The following STPG2 variants were observed in gnomAD, a reference collection of about 807,000 sequenced individuals.
STPG2 encodes the protein sperm-tail PG-rich repeat-containing protein 2.
A neutral mutation model predicts 54.2 loss-of-function variants in STPG2; 56 were observed. That is an observed-to-expected ratio of 1.03 (90% CI 0.83 to 1.29). The LOEUF is 1.29. Ranked by LOEUF, STPG2 falls within the 50% of genes most tolerant of loss-of-function variation. The pLI is 0.00. For missense variants in STPG2, 596 were observed against 544.9 expected (o/e 1.09, Z -0.93); for synonymous variants, 200 against 181.8 (o/e 1.10, Z -0.81).
At chr4:97,817,231 T>TA (rs1206085763) in intron 9 of STPG2, among the ~76,000 whole-genome samples, 1 of 149,794 alleles carries the variant, frequency 6.7e-6, no homozygotes, top group Non-Finnish European at 1.5e-5. Context: ...AAGATTCAAT[T>TA]AGTGTGTATA....
At chr4:97,738,441 A>G (rs539758243) in intron 9 of STPG2, among the ~76,000 whole-genome samples, 2 of 152,336 alleles carry the variant, frequency 1.3e-5, no homozygotes, top group South Asian at 2.1e-4. Context: ...GTCAAGACCA[A>G]TCAGAGTGCT....
chr4:97,930,995 G>A (rs1732524678), intron 8 of STPG2, among the ~76,000 whole-genome samples: 1 of 151,946 alleles, frequency 6.6e-6, no homozygotes, highest in Admixed American at 6.5e-5. Context: ...GACTACTGTT[G>A]GTGTATGAAA....
rs192005704 is a variant in STPG2 at position 97,755,108 on chromosome 4, G to A, written c.1205-42294C>T. Among the ~76,000 whole-genome samples the A allele has an allele frequency of 7.4e-3, 1,126 of 152,240 alleles. 11 individuals are homozygous for A. The highest frequency in any genetic ancestry group is 0.011 in the Non-Finnish European group (726 of 68,012). On this transcript the variant is annotated intron_variant, in intron 9 of 10. Transcript: ENST00000295268. Reference sequence around the variant, plus strand: ...ACAAAATCCTTTTGTGGTAAGTTTGGAGGAGGGAAGAGCATACTTTCTCGC... The same window carrying A: ...ACAAAATCCTTTTGTGGTAAGTTTGAAGGAGGGAAGAGCATACTTTCTCGC...
chr4:97,910,707 C>A (rs1731645824), intron 8 of STPG2, among the ~76,000 whole-genome samples: 1 of 151,994 alleles, frequency 6.6e-6, no homozygotes, highest in Non-Finnish European at 1.5e-5. Context: ...GAAAAAATTT[C>A]AACTAAAATG....
chr4:97,641,703 AT>A (rs1024418845), intron 10 of STPG2, among the ~76,000 whole-genome samples: 2 of 151,468 alleles, frequency 1.3e-5, no homozygotes, highest in African/African-American at 4.8e-5. Flanking sequence ...TGAAAAAAAA[AT>A]TGAACATACA....
chr4:97,892,862 T>A (rs565840503), intron 8 of STPG2, among the ~76,000 whole-genome samples: 1 of 152,166 alleles, frequency 6.6e-6, no homozygotes, highest in East Asian at 1.9e-4. Context: ...GAGTGTACTT[T>A]CACTCTCCAA....
intron 8 of STPG2, among the ~76,000 whole-genome samples, chr4:97,940,124 G>A (rs1732919116): frequency 6.6e-6 from 1 of 151,348 alleles, no homozygotes; most frequent in African/African-American, 2.4e-5. Flanking sequence ...GTTGAATATA[G>A]GCCCCCAGTC....
chr4:97,983,293 T>C (rs1734734070), intron 5 of STPG2, among the ~76,000 whole-genome samples: 1 of 152,244 alleles, frequency 6.6e-6, no homozygotes, highest in Admixed American at 6.5e-5. Flanking sequence ...ATACAGTACA[T>C]AACACATATA....
chr4:97,611,765 C>G (rs1733734997), intron 10 of STPG2, among the ~76,000 whole-genome samples: 2 of 150,962 alleles, frequency 1.3e-5, no homozygotes, highest in Non-Finnish European at 3.0e-5. Context: ...TTATTTATTA[C>G]CAAAAAGAAA....
At chr4:98,016,284 T>C (rs980677675) in intron 5 of STPG2, among the ~76,000 whole-genome samples, 1 of 152,224 alleles carries the variant, frequency 6.6e-6, no homozygotes, top group South Asian at 2.1e-4. Context: ...CTATTTGAGC[T>C]TCATGGATCT....
At chr4:98,085,446 A>T (rs1738476056) in intron 5 of STPG2, among the ~76,000 whole-genome samples, 1 of 152,078 alleles carries the variant, frequency 6.6e-6, no homozygotes, top group Admixed American at 6.5e-5. Context: ...TTGGGTTGAT[A>T]CTATTACATT....
rs1213568499 is a variant in STPG2 at position 98,128,431 on chromosome 4, T to C, written c.384A>G (p.Gln128=). The change falls in exon 3 of 11, where the codon CAA becomes CAG. Residue 128 remains glutamine (Q), a synonymous_variant. Coordinates refer to ENST00000295268, the MANE Select transcript of STPG2 (RefSeq NM_174952.3). The part of the protein sequence containing the change: ...STLGPAYYKP[Q]FDVSNATLKY... ...ATATGAAATACATTATACTTACAAA[T>C]TGAGGTTTGTAGTATGCTGGACCAA... 3.1e-6 allele frequency: 5 copies of C among 1,593,124 alleles called. No homozygotes were observed. Among genetic ancestry groups the C allele is most frequent in the Middle Eastern group, 1.8e-4 (1 of 5,614 alleles).
chr4:97,701,378 G>T (rs1015920153), intron 10 of STPG2, among the ~76,000 whole-genome samples: 2 of 152,168 alleles, frequency 1.3e-5, no homozygotes, highest in African/African-American at 4.8e-5. Context: ...GGACCACGAT[G>T]ACATATTGGA....
chr4:98,048,310 A>G (rs1651630385), intron 5 of STPG2, among the ~76,000 whole-genome samples: 1 of 152,258 alleles, frequency 6.6e-6, no homozygotes, highest in African/African-American at 2.4e-5. Flanking sequence ...ATAATAAGAC[A>G]CTATCCTGGA....
chr4:97,686,960 AGAGT>A lies in STPG2; in HGVS notation c.1320+25735_1320+25738del, dbSNP rs1232736427. ...ATTATTATTTTTTTTTTTGAGAGAG[AGAGT>A]GAGTCTCGCTCTGTCGCCCAGGCTG... On this transcript the variant is annotated intron_variant, in intron 10 of 10. Transcript: ENST00000295268. 7.4e-3 allele frequency among the ~76,000 whole-genome samples: 1,090 copies of A among 148,236 alleles called. 10 individuals are homozygous for A. Among genetic ancestry groups the A allele is most frequent in the African/African-American group, 0.025 (1,001 of 40,100 alleles).
At chr4:97,726,203 G>C (rs1261503160) in intron 9 of STPG2, among the ~76,000 whole-genome samples, 1 of 151,860 alleles carries the variant, frequency 6.6e-6, no homozygotes, top group Non-Finnish European at 1.5e-5. Context: ...GAAAAAAGTA[G>C]ACAATTTGTA....
At chr4:98,086,590 A>C (rs1738521439) in intron 5 of STPG2, among the ~76,000 whole-genome samples, 1 of 149,768 alleles carries the variant, frequency 6.7e-6, no homozygotes, top group East Asian at 2.0e-4. Context: ...CAAATATTTA[A>C]ATAATGATTT....
chr4:97,602,560 T>C (rs990207354), intron 10 of STPG2, among the ~76,000 whole-genome samples: 2 of 151,846 alleles, frequency 1.3e-5, no homozygotes, highest in African/African-American at 4.8e-5. Flanking sequence ...TCTATGTTTT[T>C]GGATAGATAC....
At chr4:97,735,253 G>C (rs1724942159) in intron 9 of STPG2, among the ~76,000 whole-genome samples, 1 of 151,488 alleles carries the variant, frequency 6.6e-6, no homozygotes, top group African/African-American at 2.4e-5. Context: ...GATATAATAG[G>C]TGTGTATCTA....
Sources: allele counts gnomAD v4.1 joint callset (sites outside exome capture counted in the v4.1 genomes callset), GRCh38; gene constraint gnomAD v4.1.1; transcripts MANE v1.5; gene names NCBI Gene and HGNC (gene_info 2026-07-23, HGNC 2026-07-21).